MIDEAS: variants seen among roughly 807,000 people sequenced by gnomAD.
The protein encoded by MIDEAS is mitotic deacetylase-associated SANT domain protein.
In MIDEAS, 26 loss-of-function variants were observed where a neutral mutation model predicts 102.7. The observed-to-expected ratio is 0.25, with a 90% CI of 0.19 to 0.35. The LOEUF (loss-of-function observed/expected upper bound fraction) is 0.35, where lower values mean the gene tolerates loss of function less well. Ranked by LOEUF, MIDEAS falls within the 10% of genes least tolerant of loss-of-function variation. The pLI is 1.00. For missense variants in MIDEAS, 1,231 were observed against 1,435.6 expected (o/e 0.86, Z 2.30); for synonymous variants, 585 against 591.0 (o/e 0.99, Z 0.15).
chr14:73,766,851 A>ATTTTTTT (rs34401057), intron 1 of MIDEAS, among the ~76,000 whole-genome samples: 2 of 75,900 alleles, frequency 2.6e-5, no homozygotes, highest in African/African-American at 5.2e-5. Flanking sequence ...CTGCCCGGCC[A>ATTTTTTT]TTTTTTTTTT....
intron 1 of MIDEAS, among the ~76,000 whole-genome samples, chr14:73,743,260 CT>C (rs1190783831): frequency 6.6e-6 from 1 of 152,218 alleles, no homozygotes; most frequent in Non-Finnish European, 1.5e-5. Context: ...TGGGAAGCCC[CT>C]TACCCCTGCC....
At chr14:73,726,762 C>T (rs2053066525) in intron 6 of MIDEAS, 55 bp from the exon 7 acceptor site, 2 of 1,611,656 alleles carry the variant, frequency 1.2e-6, no homozygotes, top group Middle Eastern at 1.7e-4. Context: ...CAGGGCGGGG[C>T]TGGGCAGGGT....
intron 1 of MIDEAS, among the ~76,000 whole-genome samples, chr14:73,775,675 T>A (rs1184042049): frequency 6.6e-6 from 1 of 152,110 alleles, no homozygotes; most frequent in Non-Finnish European, 1.5e-5. Flanking sequence ...AGTTCAAAAC[T>A]GCATTTTTCC....
intron 1 of MIDEAS, among the ~76,000 whole-genome samples, chr14:73,756,644 T>C (rs945745625): frequency 6.6e-5 from 10 of 152,108 alleles, no homozygotes; most frequent in East Asian, 3.9e-4. Context: ...TCTGTACTGA[T>C]GCATGCACGC....
chr14:73,782,477 G>A lies in MIDEAS; in HGVS notation c.-248+4625C>T, dbSNP rs562393030. On this transcript the variant is annotated intron_variant, in intron 1 of 11. Coordinates refer to the MIDEAS transcript ENST00000394071. The stretch of plus-strand genomic sequence containing the variant: ...CAAGTAACTGGGACTACAGGCACGT[G>A]CCACCGTGCCTGACTAATTTTTTGC... Among the ~76,000 whole-genome samples the A allele has an allele frequency of 1.5e-4, 23 of 152,256 alleles. No homozygotes were observed. The East Asian group carries it at 3.9e-3, about 26-fold the overall frequency.
intron 1 of MIDEAS, among the ~76,000 whole-genome samples, chr14:73,776,036 A>AGAACTCCAACTTCTAGTCT: frequency 6.6e-6 from 1 of 152,094 alleles, no homozygotes; most frequent in Non-Finnish European, 1.5e-5. Context: ...GCCTGAAACC[A>AGAACTCCAACTTCTAGTCT]GAACTCCAAC....
chr14:73,730,109 G>T, intron 3 of MIDEAS, 124 bp from the exon 4 acceptor site: 1 of 1,029,394 alleles, frequency 9.7e-7, no homozygotes, highest in Non-Finnish European at 1.5e-6. Flanking sequence ...ACCAAGGCAA[G>T]CCTGAAAAAA....
In MIDEAS at chr14:73,725,232, C is replaced by T; in HGVS notation, c.2574+40G>A. ...GGGAGCCCCAAAGTCACACAGGCAGCTCCTGGCCCTCATTTGCCCTGAAAC... is the reference window on the plus strand; with the variant it reads ...GGGAGCCCCAAAGTCACACAGGCAGTTCCTGGCCCTCATTTGCCCTGAAAC... On this transcript the variant is annotated intron_variant, in intron 9 of 12. Transcript: ENST00000423556. This position sits in a 1 kb window ranked among gnomAD's most constrained non-coding sequence, Gnocchi z 4.1. 6.4e-7 allele frequency: 1 copy of T among 1,558,506 alleles called. No homozygotes were observed. Among genetic ancestry groups the T allele is most frequent in the Non-Finnish European group, 8.9e-7 (1 of 1,129,524 alleles).
chr14:73,749,128 G>A (rs1175829072), intron 1 of MIDEAS, among the ~76,000 whole-genome samples: 1 of 152,058 alleles, frequency 6.6e-6, no homozygotes, highest in South Asian at 2.1e-4. Context: ...AATTAGACCT[G>A]GAAGACCTAT....
rs778964261 is a variant in MIDEAS, at chr14:73,738,546, C to A, written c.1449+14G>T. 3.7e-5 allele frequency: 56 copies of A among 1,530,896 alleles called. No homozygotes were observed. The highest frequency in any genetic ancestry group is 4.6e-5 in the Non-Finnish European group (52 of 1,135,322). The allele number at this position is 1,530,896 out of a possible 1,614,324, so 94.8% of individuals were successfully genotyped here. A position where few individuals can be genotyped will look rare whatever the true frequency, so the allele number is the denominator to read the frequency against. On this transcript the variant is annotated intron_variant, in intron 2 of 12. Transcript: ENST00000423556. ...CCCTCTGCCAGGTGTGGCTCCACTGCATGCCACTCTCACCTTTGCATTCTG... is the reference window on the plus strand; with the variant it reads ...CCCTCTGCCAGGTGTGGCTCCACTGAATGCCACTCTCACCTTTGCATTCTG...
chr14:73,780,184 T>G (rs1465679336), intron 1 of MIDEAS, among the ~76,000 whole-genome samples: 2 of 152,170 alleles, frequency 1.3e-5, no homozygotes, highest in Non-Finnish European at 2.9e-5. Flanking sequence ...GATTATATTT[T>G]TATATTTCAT....
At position 73,717,827 on chromosome 14, in the gene MIDEAS, A is replaced by G. The variant is rs10138390; in HGVS notation, c.*1016T>C. 18,915 of 152,688 alleles carry G rather than the reference A, an allele frequency of 0.12. 1,404 individuals are homozygous for G. The highest frequency in any genetic ancestry group is 0.25 in the South Asian group (1,188 of 4,816). The allele number at this position is 152,688 out of a possible 1,614,324, so 9.5% of individuals were successfully genotyped here. A position where few individuals can be genotyped will look rare whatever the true frequency, so the allele number is the denominator to read the frequency against. On this transcript the variant is annotated 3_prime_UTR_variant, in exon 13 of 13. Transcript: ENST00000423556. ...TCTCCCTCCCAGGGAAGGATCCAGA[A>G]ATCTCCAAAGTGCAGGCCTGGGGGC...
intron 3 of MIDEAS, among the ~76,000 whole-genome samples, chr14:73,733,626 A>C (rs2053165906): frequency 6.6e-6 from 1 of 152,186 alleles, no homozygotes; most frequent in African/African-American, 2.4e-5. Context: ...AGAAACAAAA[A>C]CAAGAACTTT....
intron 1 of MIDEAS, among the ~76,000 whole-genome samples, chr14:73,777,978 G>C (rs2053706549): frequency 6.6e-6 from 1 of 151,948 alleles, no homozygotes; most frequent in Non-Finnish European, 1.5e-5. Context: ...CCAGTACCAA[G>C]CACAGAGCCA....
chr14:73,733,886 G>T (rs1029689218), intron 3 of MIDEAS, among the ~76,000 whole-genome samples: 1 of 151,934 alleles, frequency 6.6e-6, no homozygotes, highest in East Asian at 1.9e-4. Context: ...GTAGAGACGG[G>T]GTTTCACTAT....
At chr14:73,746,280 G>C (rs1052049654) in intron 1 of MIDEAS, among the ~76,000 whole-genome samples, 1 of 152,228 alleles carries the variant, frequency 6.6e-6, no homozygotes, top group Non-Finnish European at 1.5e-5. Context: ...GGCTGCTAAT[G>C]CAGAGAGAAA....
At chr14:73,751,764 G>A (rs982236510) in intron 1 of MIDEAS, among the ~76,000 whole-genome samples, 11 of 152,094 alleles carry the variant, frequency 7.2e-5, no homozygotes, top group African/African-American at 1.7e-4. Context: ...TCCAGGCATC[G>A]TGGCGCACAC....
intron 1 of MIDEAS, among the ~76,000 whole-genome samples, chr14:73,750,918 T>A (rs1288203463): frequency 2.0e-5 from 3 of 152,132 alleles, no homozygotes; most frequent in African/African-American, 7.2e-5. Flanking sequence ...CATCAATACC[T>A]CCAAAATTTC....
rs1022426674 is a variant in MIDEAS, at chr14:73,726,975, A to G, written c.2163-3T>C. The G allele has an allele frequency of 6.9e-6, 11 of 1,591,004 alleles. No individual in the cohort carries two copies. The highest frequency in any genetic ancestry group is 9.4e-6 in the Non-Finnish European group (11 of 1,164,712). The stretch of plus-strand genomic sequence containing the variant: ...ACCGGGAGCCCACGTTGATCCGTCT[A>G]GAGGAGTGAAAAGGGCAGGAAGTGA... On this transcript the variant is annotated splice_polypyrimidine_tract_variant and splice_region_variant and intron_variant, in intron 5 of 12. Transcript: ENST00000423556.
Sources: allele counts gnomAD v4.1 joint callset (sites outside exome capture counted in the v4.1 genomes callset), GRCh38; gene constraint gnomAD v4.1.1; non-coding constraint Gnocchi (gnomAD v3.1); transcripts MANE v1.5; gene names NCBI Gene and HGNC (gene_info 2026-07-23, HGNC 2026-07-21).